DCLK1: variants seen among roughly 807,000 people sequenced by gnomAD.
DCLK1 encodes doublecortin like kinase 1.
DCLK1 carries 16 observed loss-of-function variants against 86.2 expected under a neutral mutation model. That is an observed-to-expected ratio of 0.19 (90% confidence interval 0.13 to 0.28). The LOEUF (loss-of-function observed/expected upper bound fraction) is 0.28. DCLK1 is among the 10% of genes least tolerant of loss of function. DCLK1 has a pLI of 1.00. For synonymous variants in DCLK1, 369 were observed against 370.5 expected (o/e 1.00, Z 0.05); for missense variants, 590 against 940.2 (o/e 0.63, Z 4.87).
intron 2 of DCLK1, among the ~76,000 whole-genome samples, chr13:36,117,933 G>A (rs1885847134): frequency 6.6e-6 from 1 of 152,092 alleles, no homozygotes; most frequent in Non-Finnish European, 1.5e-5. Context: ...TCTATGAAAG[G>A]GAAATGGAAT....
At chr13:35,995,176 A>G (rs1460717848) in intron 3 of DCLK1, among the ~76,000 whole-genome samples, 5 of 152,198 alleles carry the variant, frequency 3.3e-5, no homozygotes, top group East Asian at 3.9e-4. Context: ...AAGCATCCAC[A>G]TTCAATTATA....
At chr13:36,070,630 AT>A (rs1277895148) in intron 3 of DCLK1, among the ~76,000 whole-genome samples, 6 of 130,614 alleles carry the variant, frequency 4.6e-5, no homozygotes, top group African/African-American at 1.5e-4. Flanking sequence ...ATCTTTATTT[AT>A]TTTTTTAACT....
intron 3 of DCLK1, among the ~76,000 whole-genome samples, chr13:35,951,376 A>T (rs141931457): frequency 2.0e-3 from 302 of 151,096 alleles, no homozygotes; most frequent in African/African-American, 6.9e-3. Context: ...GTTTCAATTT[A>T]TCTGCTTTAC....
chr13:35,994,838 G>A lies in DCLK1; in HGVS notation c.724-47381C>T, dbSNP rs542027961. 7.2e-5 allele frequency among the ~76,000 whole-genome samples: 11 copies of A among 152,282 alleles called. No homozygotes were observed. The East Asian group carries it at 7.7e-4, about 11-fold the overall frequency. ...TTGCATCATTAAGCAACCAGCATGC[G>A]ATGGCATTACTATCTTATCCACTGC... On this transcript the variant is annotated intron_variant, in intron 3 of 16. Transcript: ENST00000360631.
rs967556238 is a variant in DCLK1, at chr13:35,958,105, C to T, written c.724-10648G>A. On this transcript the variant is annotated intron_variant, in intron 3 of 16. Coordinates refer to ENST00000360631, the MANE Select transcript of DCLK1 (RefSeq NM_001330071.2). ...ACTATAACCATCACCACCGCTATAA[C>T]CACCATCACCACCACCACTACCACT... Among the ~76,000 whole-genome samples the T allele has an allele frequency of 4.4e-5, 4 of 90,690 alleles. No homozygotes were observed. In the South Asian group the frequency reaches 1.1e-3, roughly 24 times the overall value. The allele number at this position is 90,690 out of a possible 152,430, so 59.5% of individuals were successfully genotyped here. A position where few individuals can be genotyped will look rare whatever the true frequency, so the allele number is the denominator to read the frequency against.
chr13:35,911,447 G>T (rs1267878338), intron 4 of DCLK1, among the ~76,000 whole-genome samples: 1 of 152,178 alleles, frequency 6.6e-6, no homozygotes, highest in Non-Finnish European at 1.5e-5. Flanking sequence ...CACAGTGGCA[G>T]ATCTCCTGTT....
intron 5 of DCLK1, among the ~76,000 whole-genome samples, chr13:35,858,468 G>T (rs1202242163): frequency 6.6e-6 from 1 of 152,178 alleles, no homozygotes; most frequent in Non-Finnish European, 1.5e-5. Flanking sequence ...ACAGCTGGAA[G>T]ATGGCAGAGT....
chr13:35,973,316 A>G (rs1441099555), intron 3 of DCLK1, among the ~76,000 whole-genome samples: 1 of 152,180 alleles, frequency 6.6e-6, no homozygotes, highest in African/African-American at 2.4e-5. Context: ...CCTCCTGCTT[A>G]TAGGCTTTTG....
At position 35,882,590 on chromosome 13, in the gene DCLK1, T is replaced by G. The variant is rs528423194; in HGVS notation, c.824-11250A>C. ...CTGTAAGGCCCCTCCCTACTTCAGC[T>G]TTCTGTCTCCCTTTTCTTTGGGTGC... On this transcript the variant is annotated intron_variant, in intron 4 of 16. Transcript: ENST00000360631. Among the ~76,000 whole-genome samples, 19 of 152,346 alleles carry G rather than the reference T, an allele frequency of 1.2e-4. No homozygotes were observed. In the South Asian group the frequency reaches 3.9e-3, roughly 32 times the overall value.
At chr13:35,892,355 A>T (rs1215407116) in intron 4 of DCLK1, among the ~76,000 whole-genome samples, 3 of 152,164 alleles carry the variant, frequency 2.0e-5, no homozygotes, top group Non-Finnish European at 4.4e-5. Context: ...ATTAACCCCC[A>T]CTGTATGAGT....
At chr13:36,007,393 G>A (rs111392771) in intron 3 of DCLK1, among the ~76,000 whole-genome samples, 5 of 152,340 alleles carry the variant, frequency 3.3e-5, no homozygotes, top group African/African-American at 1.2e-4. Context: ...TAACACAAAT[G>A]TGAATATAGA....
At chr13:35,942,450 T>C (rs1004780986) in intron 4 of DCLK1, among the ~76,000 whole-genome samples, 1 of 152,212 alleles carries the variant, frequency 6.6e-6, no homozygotes, top group Non-Finnish European at 1.5e-5. Flanking sequence ...CCCAAAGTGC[T>C]GGGATTACAG....
chr13:35,880,613 C>G (rs990230559), intron 4 of DCLK1, among the ~76,000 whole-genome samples: 10 of 152,276 alleles, frequency 6.6e-5, no homozygotes, highest in African/African-American at 1.9e-4. Context: ...TGCTGATTTG[C>G]AGTTGGGGTC....
intron 3 of DCLK1, among the ~76,000 whole-genome samples, chr13:35,994,278 G>A (rs977463458): frequency 2.6e-5 from 4 of 152,138 alleles, no homozygotes; most frequent in African/African-American, 9.7e-5. Flanking sequence ...GATGTTTGTG[G>A]CAGGAGCCAA....
At chr13:35,867,953 GAAAGAAAGAA>G (rs1871963026) in intron 5 of DCLK1, among the ~76,000 whole-genome samples, 7 of 145,584 alleles carry the variant, frequency 4.8e-5, no homozygotes, top group African/African-American at 7.6e-5. Context: ...AAGAAAGAAA[GAAAGAAAGAA>G]AGAGAAAAAG....
intron 4 of DCLK1, among the ~76,000 whole-genome samples, chr13:35,900,067 A>G (rs1874258321): frequency 6.6e-6 from 1 of 152,208 alleles, no homozygotes; most frequent in African/African-American, 2.4e-5. Context: ...AGAATATGTT[A>G]CAGGAATTAA....
chr13:35,796,547 A>G (rs1220980754), intron 15 of DCLK1, among the ~76,000 whole-genome samples: 1 of 152,168 alleles, frequency 6.6e-6, no homozygotes, highest in Admixed American at 6.5e-5. Flanking sequence ...GGAAGGTGAC[A>G]CAAGTGTTAA....
intron 4 of DCLK1, among the ~76,000 whole-genome samples, chr13:35,907,531 G>C (rs1428818719): frequency 2.0e-5 from 3 of 152,162 alleles, no homozygotes. Context: ...ACCTCAGTCT[G>C]TGTGTATGCC....
At chr13:35,905,981 A>G (rs1310228236) in intron 4 of DCLK1, among the ~76,000 whole-genome samples, 1 of 151,622 alleles carries the variant, frequency 6.6e-6, no homozygotes, top group Non-Finnish European at 1.5e-5. Context: ...TCTCTTGTGG[A>G]CAGTATTTTT....
Sources: gnomAD v4.1 joint callset for allele counts (sites outside exome capture counted in the v4.1 genomes callset) on GRCh38, gnomAD v4.1.1 for gene constraint, MANE v1.5 for transcripts, NCBI Gene and HGNC (gene_info 2026-07-23, HGNC 2026-07-21) for gene names.